The following FHIT variants were observed in gnomAD, a reference collection of about 807,000 sequenced individuals.
FHIT encodes fragile histidine triad diadenosine triphosphatase, also known as bis(5'-adenosyl)-triphosphatase.
Under a neutral mutation model 17.9 loss-of-function variants are expected in FHIT, and 19 were observed. That is an observed-to-expected ratio of 1.06 (90% confidence interval 0.74 to 1.56). The LOEUF (loss-of-function observed/expected upper bound fraction) is 1.56, where lower values mean the gene tolerates loss of function less well. Among genes scored for constraint, FHIT ranks in the 40% most tolerant of loss-of-function variants. FHIT has a pLI of 0.00. For missense variants in FHIT, 248 were observed against 189.2 expected (o/e 1.31, Z -1.82); for synonymous variants, 81 against 69.7 (o/e 1.16, Z -0.81).
intron 4 of FHIT, among the ~76,000 whole-genome samples, chr3:60,606,676 T>A (rs755619257): frequency 4.6e-5 from 7 of 152,148 alleles, no homozygotes; most frequent in Non-Finnish European, 8.8e-5. Flanking sequence ...TCTGCTGTAA[T>A]GGAAAAAGGA....
At chr3:61,180,781 T>C (rs544967691) in intron 2 of FHIT, among the ~76,000 whole-genome samples, 2 of 152,304 alleles carry the variant, frequency 1.3e-5, no homozygotes, top group Non-Finnish European at 2.9e-5. Context: ...TTATCAATGA[T>C]GTTAACAGAT....
intron 5 of FHIT, among the ~76,000 whole-genome samples, chr3:60,309,950 G>A (rs771660842): frequency 2.6e-5 from 4 of 151,866 alleles, no homozygotes; most frequent in Admixed American, 6.6e-5. Context: ...CTTCACATTC[G>A]AGTGTCTCAT....
chr3:60,928,988 C>A (rs1337272197), intron 3 of FHIT, among the ~76,000 whole-genome samples: 1 of 152,176 alleles, frequency 6.6e-6, no homozygotes, highest in Non-Finnish European at 1.5e-5. Context: ...CAAACCGAAT[C>A]CAGCAGCACA....
intron 3 of FHIT, among the ~76,000 whole-genome samples, chr3:60,840,649 T>C (rs143962665): frequency 9.8e-5 from 15 of 152,348 alleles, no homozygotes; most frequent in African/African-American, 2.6e-4. Flanking sequence ...TCCTTCATTC[T>C]CTACATAGAT....
intron 8 of FHIT, among the ~76,000 whole-genome samples, chr3:59,916,665 G>C (rs1349210600): frequency 6.6e-6 from 1 of 152,148 alleles, no homozygotes; most frequent in Non-Finnish European, 1.5e-5. Context: ...ACATAGGATA[G>C]GGTAAACCAG....
At chr3:60,445,789 A>C (rs1256975015) in intron 5 of FHIT, among the ~76,000 whole-genome samples, 3 of 79,834 alleles carry the variant, frequency 3.8e-5, no homozygotes, top group Non-Finnish European at 7.2e-5. Context: ...ACTTTAAAGC[A>C]AAAAAAAAAA....
At chr3:60,375,116 A>C (rs929475858) in intron 5 of FHIT, among the ~76,000 whole-genome samples, 5 of 146,252 alleles carry the variant, frequency 3.4e-5, no homozygotes, top group African/African-American at 1.0e-4. Context: ...AAAAAAAAAA[A>C]CAAAAACAAA....
At chr3:60,495,675 T>C (rs1202696662) in intron 5 of FHIT, among the ~76,000 whole-genome samples, 1 of 152,158 alleles carries the variant, frequency 6.6e-6, no homozygotes, top group Non-Finnish European at 1.5e-5. Context: ...ATGTATTCAA[T>C]GCCATTCCTT....
chr3:60,494,429 G>A (rs759348198), intron 5 of FHIT, among the ~76,000 whole-genome samples: 2 of 152,032 alleles, frequency 1.3e-5, no homozygotes, highest in Non-Finnish European at 2.9e-5. Flanking sequence ...ATGTAAAATG[G>A]GGTATCCATC....
chr3:60,011,325 T>G (rs1438811108), intron 7 of FHIT, 46 bp downstream of exon 7: 1 of 1,589,338 alleles, frequency 6.3e-7, no homozygotes, highest in Non-Finnish European at 8.6e-7. Flanking sequence ...TTATTAGTTC[T>G]CATAATCGCC....
At chr3:61,019,568 G>C (rs1241377591) in intron 3 of FHIT, among the ~76,000 whole-genome samples, 3 of 152,210 alleles carry the variant, frequency 2.0e-5, no homozygotes, top group Non-Finnish European at 4.4e-5. Flanking sequence ...ACCTAATGAG[G>C]TTCCAAAAAT....
chr3:60,169,328 C>T (rs767459906), intron 5 of FHIT, among the ~76,000 whole-genome samples: 5 of 152,034 alleles, frequency 3.3e-5, no homozygotes, highest in African/African-American at 4.8e-5. Flanking sequence ...GTGGTTATTC[C>T]GGGCTCCACA....
intron 5 of FHIT, among the ~76,000 whole-genome samples, chr3:60,532,364 C>G (rs1351994090): frequency 6.6e-6 from 1 of 152,092 alleles, no homozygotes; most frequent in Non-Finnish European, 1.5e-5. Context: ...TGTTTAAATT[C>G]ATTTTCATGC....
At chr3:59,861,495 C>A (rs1043638119) in intron 8 of FHIT, among the ~76,000 whole-genome samples, 63 of 152,186 alleles carry the variant, frequency 4.1e-4, no homozygotes, top group African/African-American at 1.4e-3. Context: ...CAGAAACTCC[C>A]AGTTTGGAAA....
At chr3:60,524,185 T>C (rs1366158036) in intron 5 of FHIT, among the ~76,000 whole-genome samples, 1 of 147,840 alleles carries the variant, frequency 6.8e-6, no homozygotes, top group Non-Finnish European at 1.5e-5. Context: ...GCTCACATTC[T>C]AGTCAGCCTG....
intron 3 of FHIT, among the ~76,000 whole-genome samples, chr3:60,845,338 A>ATC (rs1702887893): frequency 6.6e-6 from 1 of 151,752 alleles, no homozygotes; most frequent in Non-Finnish European, 1.5e-5. Flanking sequence ...CAAACAAACA[A>ATC]AAAAAAAAAC....
chr3:59,949,528 A>C (rs1575749356), intron 7 of FHIT, among the ~76,000 whole-genome samples: 1 of 152,234 alleles, frequency 6.6e-6, no homozygotes, highest in South Asian at 2.1e-4. Flanking sequence ...CAGGCTTGGG[A>C]TAGATATGTA....
intron 7 of FHIT, among the ~76,000 whole-genome samples, chr3:59,984,356 G>A (rs1336405698): frequency 3.3e-5 from 5 of 150,756 alleles, no homozygotes; most frequent in African/African-American, 9.8e-5. Context: ...ACATTTATAA[G>A]AATATTAGTG....
At chr3:60,880,535 C>G (rs966345994) in intron 3 of FHIT, among the ~76,000 whole-genome samples, 1 of 152,172 alleles carries the variant, frequency 6.6e-6, no homozygotes, top group Admixed American at 6.5e-5. Flanking sequence ...GAGTTCAAGA[C>G]CAGCCTGACT....
Sources: gnomAD v4.1 joint callset for allele counts (sites outside exome capture counted in the v4.1 genomes callset) on GRCh38, gnomAD v4.1.1 for gene constraint, MANE v1.5 for transcripts, NCBI Gene and HGNC (gene_info 2026-07-23, HGNC 2026-07-21) for gene names.